PKHD1: variants seen among roughly 807,000 people sequenced by gnomAD.
The protein encoded by PKHD1 is fibrocystin.
PKHD1 carries 291 observed loss-of-function variants against 412.0 expected under a neutral mutation model. That is an observed-to-expected ratio of 0.71 (90% CI 0.64 to 0.78). The LOEUF is 0.78. PKHD1 is among the 30% of genes least tolerant of loss of function. The pLI, the probability that PKHD1 is intolerant of heterozygous loss-of-function variation, is 0.00. For synonymous variants in PKHD1, 1,777 were observed against 1,821.5 expected (o/e 0.98, Z 0.62); for missense variants, 4,825 against 4,950.7 (o/e 0.97, Z 0.76).
In PKHD1 at chr6:51,836,458, C is replaced by T; in HGVS notation, c.8119G>A (p.Gly2707Ser). 1 of 1,612,508 alleles carries T rather than the reference C, an allele frequency of 6.2e-7. No individual in the cohort carries two copies. Among genetic ancestry groups the T allele is most frequent in the South Asian group, 1.1e-5 (1 of 91,058 alleles). The change falls in exon 51 of 67, where the codon GGC becomes AGC. Residue 2707 changes from glycine (G) to serine (S), a missense_variant. Physicochemically the swap from Gly to Ser is moderately conservative, Grantham distance 56 (BLOSUM62 0). Transcript: ENST00000371117. ...RQLTYLVSGE[G>S]QVQVILRVKE... is the part of the protein sequence containing the mutation. ...ACCCGGAGAATGACTTGAACTTGGC[C>T]TTCACCTGAAACTAAATACCAAAAG...
intron 60 of PKHD1, among the ~76,000 whole-genome samples, chr6:51,701,298 C>G (rs540138369): frequency 6.6e-6 from 1 of 152,168 alleles, no homozygotes; most frequent in East Asian, 1.9e-4. Context: ...AAAAAATTAG[C>G]CTATTTGGCC....
At chr6:51,840,975 AAGTT>A (rs2151580727) in intron 50 of PKHD1, among the ~76,000 whole-genome samples, 1 of 152,340 alleles carries the variant, frequency 6.6e-6, no homozygotes, top group South Asian at 2.1e-4. Context: ...TTATTAAGAA[AAGTT>A]AGGTTTTAAA....
At chr6:51,903,079 T>C (rs1247923200) in intron 43 of PKHD1, among the ~76,000 whole-genome samples, 1 of 152,210 alleles carries the variant, frequency 6.6e-6, no homozygotes, top group East Asian at 1.9e-4. Context: ...TATTTTAGTT[T>C]GCATTACCTA....
intron 28 of PKHD1, 69 bp downstream of exon 28, chr6:52,035,522 C>G (rs1334711274): frequency 1.5e-6 from 2 of 1,355,464 alleles, no homozygotes; most frequent in Non-Finnish European, 2.1e-6. Flanking sequence ...AGAAGTGATT[C>G]ACTGAAAATG....
At chr6:51,704,315 T>C (rs2150722752) in intron 60 of PKHD1, among the ~76,000 whole-genome samples, 1 of 152,134 alleles carries the variant, frequency 6.6e-6, no homozygotes, top group South Asian at 2.1e-4. Context: ...CAGAGTCTTG[T>C]GATAGAGGTT....
intron 5 of PKHD1, among the ~76,000 whole-genome samples, chr6:52,079,241 G>A (rs1212327915): frequency 6.6e-6 from 1 of 152,216 alleles, no homozygotes; most frequent in Non-Finnish European, 1.5e-5. Context: ...TATCAAGGCT[G>A]TAAAATAAGT....
chr6:51,975,963 T>TGAAAAAAAAAAAAAAA lies in PKHD1; in HGVS notation c.5752-15938_5752-15937insTTTTTTTTTTTTTTTC, dbSNP rs1231391714. On this transcript the variant is annotated intron_variant, in intron 35 of 66. Coordinates refer to ENST00000371117, the MANE Select transcript of PKHD1 (RefSeq NM_138694.4). ...AACATAGCGAGACCCTTTCTCTAAT[T>TGAAAAAAAAAAAAAAA]AAAAAAAAAAAAAAAAAAAAAAAAA... is the stretch of plus-strand genomic sequence containing the variant. The TGAAAAAAAAAAAAAAA allele has an allele frequency of 1.6e-4, 11 of 69,778 alleles. 2 individuals are homozygous for TGAAAAAAAAAAAAAAA. Among genetic ancestry groups the TGAAAAAAAAAAAAAAA allele is most frequent in the African/African-American group, 4.9e-4 (9 of 18,510 alleles). 4.3% of individuals were successfully genotyped at this position (69,778 alleles called of 1,614,324 possible). A position where few individuals can be genotyped will look rare whatever the true frequency, so the allele number is the denominator to read the frequency against.
Position 51,725,178 on chromosome 6 carries a change from G to C in PKHD1, c.10156+19207C>G, listed in dbSNP as rs923390966. On this transcript the variant is annotated intron_variant, in intron 60 of 66. Coordinates refer to ENST00000371117, the MANE Select transcript of PKHD1 (RefSeq NM_138694.4). ...TGTCCCTGCAGTGGGAAGGACCCTC[G>C]CCCCAGGCTGGTGAAGGTGCCTAGC... 4.6e-5 allele frequency among the ~76,000 whole-genome samples: 7 copies of C among 152,098 alleles called. No homozygotes were observed. The East Asian group carries it at 1.2e-3, about 25-fold the overall frequency.
At chr6:51,764,031 T>C (rs930740158) in intron 55 of PKHD1, among the ~76,000 whole-genome samples, 2 of 150,642 alleles carry the variant, frequency 1.3e-5, no homozygotes, top group African/African-American at 4.9e-5. Flanking sequence ...ACATGTGCCA[T>C]GCTGGTGCGC....
intron 52 of PKHD1, among the ~76,000 whole-genome samples, chr6:51,823,545 A>T (rs1186481761): frequency 1.3e-5 from 2 of 152,132 alleles, no homozygotes; most frequent in East Asian, 3.8e-4. Flanking sequence ...TTTGGATCCC[A>T]AGAGTAGACC....
chr6:51,973,568 C>A lies in PKHD1; in HGVS notation c.5752-13542G>T, dbSNP rs555388295. The stretch of plus-strand genomic sequence containing the variant: ...TTTGGAAATCCAAAATCCCCAAAGA[C>A]CCTCATGAAACAAGACTTCAAGTGC... On this transcript the variant is annotated intron_variant, in intron 35 of 66. Coordinates refer to ENST00000371117, the MANE Select transcript of PKHD1 (RefSeq NM_138694.4). Among the ~76,000 whole-genome samples the A allele has an allele frequency of 6.6e-5, 10 of 152,284 alleles. No individual in the cohort carries two copies. The South Asian group carries it at 2.1e-3, about 32-fold the overall frequency.
intron 60 of PKHD1, among the ~76,000 whole-genome samples, chr6:51,671,803 G>A (rs954385503): frequency 3.9e-5 from 6 of 152,118 alleles, no homozygotes; most frequent in Non-Finnish European, 5.9e-5. Flanking sequence ...TGGGGTACCC[G>A]CCCGTGTGAG....
chr6:51,754,964 G>A (rs1163142258), intron 55 of PKHD1, 26 bp from the exon 56 acceptor site: 8 of 1,595,874 alleles, frequency 5.0e-6, no homozygotes, highest in Middle Eastern at 1.7e-4. Flanking sequence ...AATGGCATTG[G>A]ATATACTAAC....
rs77058594 is a variant in PKHD1, at chr6:51,914,551, T to G, written c.6122-1975A>C. 4.3e-4 allele frequency among the ~76,000 whole-genome samples: 65 copies of G among 152,288 alleles called. 1 individual carries two copies. In the East Asian group the frequency reaches 0.011, roughly 27 times the overall value. On this transcript the variant is annotated intron_variant, in intron 37 of 66. Transcript: ENST00000371117. ...GCTAGACCCTCTTGCAAACAGCTTT[T>G]ATTCCTTTAAGTATTCCTCCTTATG...
chr6:51,772,940 T>G (rs919393530), intron 54 of PKHD1, 151 bp from the exon 55 acceptor site: 36 of 650,454 alleles, frequency 5.5e-5, no homozygotes, highest in Admixed American at 9.7e-5. Context: ...ATTATTTAAA[T>G]GCTCTATTTT....
chr6:51,659,819 C>A lies in PKHD1; in HGVS notation c.10307G>T (p.Gly3436Val), dbSNP rs768469505. 1.9e-6 allele frequency: 3 copies of A among 1,613,690 alleles called. No homozygotes were observed. The highest frequency in any genetic ancestry group is 2.5e-6 in the Non-Finnish European group (3 of 1,179,858). ...TACACTGCTAAAGACATCAACAAAA[C>A]CACTAGTCACAGATACAACTGGATA... is the stretch of plus-strand genomic sequence containing the variant. Reference protein sequence around the residue: ...KLYPVVSVTSGFVDVFSSVNA... With the variant: ...KLYPVVSVTSVFVDVFSSVNA... Residue 3436 changes from glycine (G) to valine (V), a missense_variant, in exon 61 of 67, where the codon GGT (glycine) becomes GTT (valine). By Grantham distance (109) the Gly-to-Val change is moderately radical. Transcript: ENST00000371117.
intron 49 of PKHD1, among the ~76,000 whole-genome samples, chr6:51,849,315 T>C (rs1771767167): frequency 6.6e-6 from 1 of 151,894 alleles, no homozygotes; most frequent in African/African-American, 2.4e-5. Context: ...ATGGGCATTT[T>C]CCATGTCTTT....
chr6:51,620,671 A>C (rs192731866), intron 66 of PKHD1, among the ~76,000 whole-genome samples: 1 of 151,746 alleles, frequency 6.6e-6, no homozygotes, highest in East Asian at 1.9e-4. Flanking sequence ...GGAGATAGTA[A>C]TCCTGTCTGA....
chr6:51,804,387 A>C (rs1763422028), intron 52 of PKHD1, among the ~76,000 whole-genome samples: 1 of 145,046 alleles, frequency 6.9e-6, no homozygotes, highest in Non-Finnish European at 1.5e-5. Context: ...TAACAGGAGA[A>C]ATTAAGCGAA....
Sources: gnomAD v4.1 joint callset for allele counts (sites outside exome capture counted in the v4.1 genomes callset) on GRCh38, gnomAD v4.1.1 for gene constraint, MANE v1.5 for transcripts, NCBI Gene and HGNC (gene_info 2026-07-23, HGNC 2026-07-21) for gene names.